The following RORA variants were observed in gnomAD, a reference collection of about 807,000 sequenced individuals.
RORA encodes the protein RAR related orphan receptor A.
RORA carries 7 observed loss-of-function variants against 69.5 expected under a neutral mutation model. That is an observed-to-expected ratio of 0.10 (90% CI 0.06 to 0.19). The LOEUF is 0.19. Ranked by LOEUF, RORA falls within the 10% of genes least tolerant of loss-of-function variation. The pLI is 1.00. For synonymous variants in RORA, 261 were observed against 240.8 expected (o/e 1.08, Z -0.78); for missense variants, 457 against 663.0 (o/e 0.69, Z 3.41).
intron 1 of RORA, among the ~76,000 whole-genome samples, chr15:61,141,537 A>T (rs1039881200): frequency 1.1e-4 from 17 of 152,210 alleles, no homozygotes; most frequent in Admixed American, 1.3e-4. Flanking sequence ...ATGCATTTTT[A>T]AAAAAATTTT....
At chr15:60,851,470 G>A (rs1414599349) in intron 1 of RORA, among the ~76,000 whole-genome samples, 2 of 152,164 alleles carry the variant, frequency 1.3e-5, no homozygotes, top group African/African-American at 4.8e-5. Flanking sequence ...GAGGACATGT[G>A]AGGTCCCAGG....
chr15:61,137,066 A>AGAAAGAAAGAAAGAAG (rs2079250321), intron 1 of RORA, among the ~76,000 whole-genome samples: 5 of 149,338 alleles, frequency 3.3e-5, no homozygotes, highest in African/African-American at 1.3e-4. Context: ...AAAGAAAGAA[A>AGAAAGAAAGAAAGAAG]GAAAGAAAGA....
intron 1 of RORA, among the ~76,000 whole-genome samples, chr15:61,119,788 T>C (rs933604806): frequency 5.3e-5 from 8 of 152,192 alleles, no homozygotes; most frequent in African/African-American, 1.9e-4. Context: ...ATTTTATGCA[T>C]GCTTAGTGTG....
chr15:61,120,740 A>G (rs976816851), intron 1 of RORA, among the ~76,000 whole-genome samples: 1 of 151,724 alleles, frequency 6.6e-6, no homozygotes. Flanking sequence ...TTCAAAGGAC[A>G]CATATTTTTA....
intron 1 of RORA, among the ~76,000 whole-genome samples, chr15:60,781,164 G>A (rs1168444835): frequency 6.6e-6 from 1 of 152,122 alleles, no homozygotes; most frequent in East Asian, 1.9e-4. Context: ...AGGCTGGCTG[G>A]TCGTGCTAGG....
At chr15:61,141,947 C>T (rs2079303440) in intron 1 of RORA, among the ~76,000 whole-genome samples, 1 of 152,006 alleles carries the variant, frequency 6.6e-6, no homozygotes, top group Non-Finnish European at 1.5e-5. Flanking sequence ...GTGAGTGCTT[C>T]CAGGTGGCTC....
chr15:60,867,158 AC>A (rs2140431644), intron 1 of RORA, among the ~76,000 whole-genome samples: 1 of 152,136 alleles, frequency 6.6e-6, no homozygotes, highest in South Asian at 2.1e-4. Flanking sequence ...TTTTGTATAA[AC>A]CTTTTTGTAT....
At chr15:60,685,122 A>G (rs2070721442) in intron 1 of RORA, among the ~76,000 whole-genome samples, 1 of 152,198 alleles carries the variant, frequency 6.6e-6, no homozygotes, top group African/African-American at 2.4e-5. Context: ...ACAACCCTTG[A>G]CTGGACATAG....
At position 60,765,840 on chromosome 15, in the gene RORA, T is replaced by C. The variant is rs75535193; in HGVS notation, c.167-87154A>G. Among the ~76,000 whole-genome samples the C allele has an allele frequency of 4.0e-3, 605 of 152,214 alleles. 2 individuals carry two copies. The highest frequency in any genetic ancestry group is 0.013 in the African/African-American group (545 of 41,554). ...TACGTGCACTGTGGTTCTAAGTATTTACAGTGGTGTAACCCGCTCCCCCAC... is the reference window on the plus strand; with the variant it reads ...TACGTGCACTGTGGTTCTAAGTATTCACAGTGGTGTAACCCGCTCCCCCAC... On this transcript the variant is annotated intron_variant, in intron 1 of 10. Coordinates refer to ENST00000335670, the MANE Select transcript of RORA (RefSeq NM_134261.3).
At chr15:60,700,576 G>A (rs74333036) in intron 1 of RORA, among the ~76,000 whole-genome samples, 1,997 of 152,208 alleles carry the variant, frequency 0.013, 65 homozygotes, top group African/African-American at 0.045. Flanking sequence ...AAGCAAGAAA[G>A]AAGTCAGGAA....
chr15:60,969,643 TC>T (rs757763439), intron 1 of RORA, among the ~76,000 whole-genome samples: 4 of 152,126 alleles, frequency 2.6e-5, no homozygotes, highest in Non-Finnish European at 5.9e-5. Flanking sequence ...AGCCTGATCA[TC>T]ATTATCTCCG....
At chr15:61,127,026 C>T (rs955233612) in intron 1 of RORA, among the ~76,000 whole-genome samples, 12 of 152,168 alleles carry the variant, frequency 7.9e-5, no homozygotes, top group Non-Finnish European at 1.0e-4. Context: ...AACTGAAACA[C>T]ACACACACTA....
At chr15:60,947,941 AGAC>A (rs1892948239) in intron 1 of RORA, among the ~76,000 whole-genome samples, 1 of 152,186 alleles carries the variant, frequency 6.6e-6, no homozygotes, top group Admixed American at 6.5e-5. Flanking sequence ...TGCTATCCAC[AGAC>A]AACAACACCA....
chr15:61,119,496 A>T (rs1212331424), intron 1 of RORA, among the ~76,000 whole-genome samples: 1 of 151,664 alleles, frequency 6.6e-6, no homozygotes, highest in African/African-American at 2.4e-5. Flanking sequence ...CCCCCCAGAG[A>T]CAGGGTTTTG....
chr15:60,854,514 G>T (rs1040335565), intron 1 of RORA, among the ~76,000 whole-genome samples: 1 of 152,052 alleles, frequency 6.6e-6, no homozygotes, highest in African/African-American at 2.4e-5. Flanking sequence ...GAACTATTTC[G>T]TTGGGTTGAT....
intron 1 of RORA, among the ~76,000 whole-genome samples, chr15:60,914,353 G>A (rs1430133869): frequency 6.6e-6 from 1 of 152,118 alleles, no homozygotes; most frequent in South Asian, 2.1e-4. Flanking sequence ...CACAGAGAAT[G>A]AATTCATTAA....
intron 2 of RORA, among the ~76,000 whole-genome samples, chr15:60,582,256 T>C (rs1378014531): frequency 1.3e-5 from 2 of 152,202 alleles, no homozygotes; most frequent in Non-Finnish European, 2.9e-5. Context: ...CAAAAGGAAC[T>C]GATTAGCTGA....
intron 1 of RORA, among the ~76,000 whole-genome samples, chr15:60,883,812 C>T (rs1230120411): frequency 1.3e-5 from 2 of 152,052 alleles, no homozygotes; most frequent in Non-Finnish European, 2.9e-5. Context: ...AAAGAGTATA[C>T]GAAAGGGTGT....
rs566937084 is a variant in RORA at position 60,821,938 on chromosome 15, T to C, written c.167-143252A>G. ...CAGGCAGTCTGACTCCTGAGCCTCA[T>C]ACTAAAAACTCAAAGTTTGCTGAAT... is the stretch of plus-strand genomic sequence containing the variant. On this transcript the variant is annotated intron_variant, in intron 1 of 10. Transcript: ENST00000335670. 2.2e-4 allele frequency among the ~76,000 whole-genome samples: 33 copies of C among 152,294 alleles called. 1 individual carries two copies. The highest frequency in any genetic ancestry group is 7.9e-4 in the African/African-American group (33 of 41,548).
Sources: allele counts gnomAD v4.1 joint callset (sites outside exome capture counted in the v4.1 genomes callset), GRCh38; gene constraint gnomAD v4.1.1; transcripts MANE v1.5; gene names NCBI Gene and HGNC (gene_info 2026-07-23, HGNC 2026-07-21).